Variants in PRKCA observed in about 807,000 individuals in gnomAD.
The protein encoded by PRKCA is protein kinase C alpha.
PRKCA carries 27 observed loss-of-function variants against 87.0 expected under a neutral mutation model. The ratio of observed to expected loss-of-function variants is 0.31; its 90% CI spans 0.23 to 0.43. The LOEUF (loss-of-function observed/expected upper bound fraction) is 0.43, where lower values mean the gene tolerates loss of function less well. Among genes scored for constraint, PRKCA ranks in the 20% least tolerant of loss-of-function variants. The pLI is 1.00. For missense variants in PRKCA, 518 were observed against 852.3 expected (o/e 0.61, Z 4.88); for synonymous variants, 329 against 311.1 (o/e 1.06, Z -0.61).
At chr17:66,378,115 G>T (rs1387211115) in intron 2 of PRKCA, among the ~76,000 whole-genome samples, 1 of 151,948 alleles carries the variant, frequency 6.6e-6, no homozygotes, top group African/African-American at 2.4e-5. Flanking sequence ...CTGAGGTGAG[G>T]AGTTCGAGAC....
chr17:66,675,801 C>G (rs11867695), intron 5 of PRKCA, among the ~76,000 whole-genome samples: 76,261 of 151,968 alleles, frequency 0.5, 19,239 homozygotes, highest in Admixed American at 0.5. Context: ...ACGGCCTTCT[C>G]TGCCCACATA....
At chr17:66,478,350 G>A (rs1157396562) in intron 2 of PRKCA, among the ~76,000 whole-genome samples, 7 of 152,130 alleles carry the variant, frequency 4.6e-5, no homozygotes, top group African/African-American at 1.4e-4. Context: ...CGCCTTCTGG[G>A]TTCAAGTGAT....
At chr17:66,414,757 G>C (rs1317021555) in intron 2 of PRKCA, among the ~76,000 whole-genome samples, 1 of 152,148 alleles carries the variant, frequency 6.6e-6, no homozygotes, top group Non-Finnish European at 1.5e-5. Context: ...CAGGTGTACT[G>C]TACTGGAGAA....
intron 5 of PRKCA, among the ~76,000 whole-genome samples, chr17:66,655,112 C>T (rs1389473873): frequency 6.6e-6 from 1 of 152,208 alleles, no homozygotes; most frequent in African/African-American, 2.4e-5. Context: ...CAGGAAAGTG[C>T]GTCTTAGCTA....
intron 2 of PRKCA, among the ~76,000 whole-genome samples, chr17:66,352,140 T>C (rs899707310): frequency 3.3e-5 from 5 of 152,162 alleles, no homozygotes; most frequent in Non-Finnish European, 7.3e-5. Flanking sequence ...AAATGTGGCT[T>C]AGAGGGCTGA....
intron 3 of PRKCA, among the ~76,000 whole-genome samples, chr17:66,548,723 A>AT (rs1968228092): frequency 6.6e-6 from 1 of 152,008 alleles, no homozygotes; most frequent in African/African-American, 2.4e-5. Context: ...TGAGGTTGAG[A>AT]TGGGAGTGAT....
At chr17:66,580,454 G>T (rs911945433) in intron 3 of PRKCA, among the ~76,000 whole-genome samples, 1 of 152,128 alleles carries the variant, frequency 6.6e-6, no homozygotes, top group Non-Finnish European at 1.5e-5. Flanking sequence ...GCCCCTCTTG[G>T]CTCTCCATAT....
chr17:66,413,812 G>A (rs543828230), intron 2 of PRKCA, among the ~76,000 whole-genome samples: 6 of 152,206 alleles, frequency 3.9e-5, no homozygotes, highest in African/African-American at 1.2e-4. Context: ...TCAGGAGTTC[G>A]AGGTCAGCCT....
Position 66,509,029 on chromosome 17 carries a change from T to C in PRKCA, c.288+12746T>C, listed in dbSNP as rs200035321. On this transcript the variant is annotated intron_variant, in intron 3 of 16. Transcript: ENST00000413366. The stretch of plus-strand genomic sequence containing the variant: ...AGGTTTTTTACAAGGGAGTGGCAGT[T>C]TTCCAAGAAGGAACACCTCAGTGTA... Among the ~76,000 whole-genome samples the C allele has an allele frequency of 3.9e-5, 6 of 152,142 alleles. No homozygotes were observed. The East Asian group carries it at 1.2e-3, about 29-fold the overall frequency.
intron 3 of PRKCA, among the ~76,000 whole-genome samples, chr17:66,540,099 A>G (rs1967928676): frequency 6.6e-6 from 1 of 152,176 alleles, no homozygotes; most frequent in South Asian, 2.1e-4. Context: ...CAGGGAGGTG[A>G]TGTTTTCCCC....
At chr17:66,512,123 T>A (rs2144176971) in intron 3 of PRKCA, among the ~76,000 whole-genome samples, 2 of 152,232 alleles carry the variant, frequency 1.3e-5, no homozygotes, top group South Asian at 2.1e-4. Flanking sequence ...CAGTTTACCC[T>A]CCACAGTAGC....
At chr17:66,418,603 A>T (rs1912304131) in intron 2 of PRKCA, among the ~76,000 whole-genome samples, 1 of 151,278 alleles carries the variant, frequency 6.6e-6, no homozygotes, top group Non-Finnish European at 1.5e-5. Flanking sequence ...CGCCTGGCTA[A>T]TTTTTGTATT....
chr17:66,715,145 T>G (rs1973442918), intron 8 of PRKCA, among the ~76,000 whole-genome samples: 4 of 150,750 alleles, frequency 2.7e-5, no homozygotes. Context: ...TTTTTTTTTC[T>G]CTGTGAGGAT....
intron 3 of PRKCA, among the ~76,000 whole-genome samples, chr17:66,541,229 T>A (rs2143131360): frequency 6.6e-6 from 1 of 152,302 alleles, no homozygotes; most frequent in African/African-American, 2.4e-5. Context: ...TGTGTGCCGC[T>A]TCTCCACTGC....
intron 2 of PRKCA, among the ~76,000 whole-genome samples, chr17:66,440,884 C>T (rs768748657): frequency 4.0e-5 from 6 of 151,816 alleles, no homozygotes; most frequent in African/African-American, 9.7e-5. Context: ...TAGTCAGGGC[C>T]GGGTATGGTG....
intron 2 of PRKCA, among the ~76,000 whole-genome samples, chr17:66,408,819 C>T (rs370973437): frequency 4.6e-5 from 7 of 151,566 alleles, no homozygotes; most frequent in South Asian, 2.1e-4. Flanking sequence ...TTTGGGAGGC[C>T]GAGGTGGGCG....
intron 2 of PRKCA, among the ~76,000 whole-genome samples, chr17:66,395,765 C>G (rs1004390078): frequency 2.0e-5 from 3 of 152,154 alleles, no homozygotes; most frequent in African/African-American, 7.2e-5. Context: ...TGGGATTCTC[C>G]AAGGACAGGC....
chr17:66,514,102 A>G (rs947632096), intron 3 of PRKCA, among the ~76,000 whole-genome samples: 1 of 152,210 alleles, frequency 6.6e-6, no homozygotes, highest in Non-Finnish European at 1.5e-5. Context: ...TTTTACAATT[A>G]GTTATTGTTA....
intron 10 of PRKCA, among the ~76,000 whole-genome samples, chr17:66,736,567 C>A (rs761469391): frequency 6.6e-6 from 1 of 152,180 alleles, no homozygotes; most frequent in Admixed American, 6.5e-5. Context: ...CATGAGCCAC[C>A]GCACCTGGCC....
Sources: gnomAD v4.1 joint callset for allele counts (sites outside exome capture counted in the v4.1 genomes callset) on GRCh38, gnomAD v4.1.1 for gene constraint, MANE v1.5 for transcripts, NCBI Gene and HGNC (gene_info 2026-07-23, HGNC 2026-07-21) for gene names.